The following FBXW10 variants were observed in gnomAD, a reference collection of about 807,000 sequenced individuals.
FBXW10 encodes the protein F-box and WD repeat domain containing 10.
A neutral mutation model predicts 113.1 loss-of-function variants in FBXW10; 68 were observed. That is an observed-to-expected ratio of 0.60 (90% confidence interval 0.49 to 0.74). The LOEUF is 0.74. FBXW10 is among the 30% of genes least tolerant of loss of function. FBXW10 has a pLI of 0.00. For synonymous variants in FBXW10, 289 were observed against 481.6 expected (o/e 0.60, Z 5.24); for missense variants, 753 against 1,284.5 (o/e 0.59, Z 6.32).
chr17:18,772,003 A>G (rs1240396134), intron 11 of FBXW10, among the ~76,000 whole-genome samples: 1 of 152,146 alleles, frequency 6.6e-6, no homozygotes, highest in Non-Finnish European at 1.5e-5. Context: ...GCTACTCAAG[A>G]GGCTGAGGCA....
intron 7 of FBXW10, among the ~76,000 whole-genome samples, chr17:18,759,908 C>T (rs2035348094): frequency 6.6e-6 from 1 of 152,306 alleles, no homozygotes; most frequent in East Asian, 1.9e-4. Context: ...AGCCACCGCG[C>T]CGGGCCCTTG....
At chr17:18,772,140 C>T (rs1399956992) in intron 11 of FBXW10, among the ~76,000 whole-genome samples, 1 of 152,042 alleles carries the variant, frequency 6.6e-6, no homozygotes, top group Non-Finnish European at 1.5e-5. Context: ...AATAAAAAAG[C>T]ATTTTGACTT....
At chr17:18,746,722 C>T (rs1199516690) in intron 1 of FBXW10, among the ~76,000 whole-genome samples, 5 of 152,138 alleles carry the variant, frequency 3.3e-5, no homozygotes, top group Admixed American at 2.0e-4. Flanking sequence ...GGTCACCCAC[C>T]ACGTGGGCTG....
At chr17:18,770,463 C>A (rs867643686) in intron 11 of FBXW10, among the ~76,000 whole-genome samples, 2 of 149,788 alleles carry the variant, frequency 1.3e-5, no homozygotes, top group East Asian at 3.9e-4. Flanking sequence ...CCAGTATGCC[C>A]GGCTAATTTT....
chr17:18,764,211 T>G lies in FBXW10; in HGVS notation c.1434-531T>G, dbSNP rs1274128482. Among the ~76,000 whole-genome samples, 3 of 150,280 alleles carry G rather than the reference T, an allele frequency of 2.0e-5. No homozygotes were observed. The East Asian group carries it at 5.8e-4, about 29-fold the overall frequency. On this transcript the variant is annotated intron_variant, in intron 7 of 13. Coordinates refer to ENST00000395665, the MANE Select transcript of FBXW10 (RefSeq NM_001267585.2). The stretch of plus-strand genomic sequence containing the variant: ...ATGATGTAAATACTCTTTTTTTTTT[T>G]TTTTTTTTTGAGACAGAGTCTCGCT...
intron 5 of FBXW10, among the ~76,000 whole-genome samples, chr17:18,751,326 C>T (rs1168649219): frequency 6.6e-6 from 1 of 151,684 alleles, no homozygotes; most frequent in African/African-American, 2.4e-5. Flanking sequence ...CCCGGGTTCA[C>T]GCCATTCTCC....
chr17:18,752,734 A>G (rs2035193525), intron 5 of FBXW10, among the ~76,000 whole-genome samples: 1 of 151,434 alleles, frequency 6.6e-6, no homozygotes, highest in East Asian at 1.9e-4. Context: ...AAAAGAAAAC[A>G]CATTTCTGGA....
At chr17:18,763,484 C>T (rs985829040) in intron 7 of FBXW10, among the ~76,000 whole-genome samples, 1 of 151,956 alleles carries the variant, frequency 6.6e-6, no homozygotes, top group African/African-American at 2.4e-5. Flanking sequence ...TCTCAGTTTA[C>T]AGATGAAGAA....
At chr17:18,767,841 G>T (rs1490182773) in intron 9 of FBXW10, among the ~76,000 whole-genome samples, 1 of 152,062 alleles carries the variant, frequency 6.6e-6, no homozygotes, top group East Asian at 1.9e-4. Context: ...CACAGCAAAG[G>T]ACAGTGATTT....
chr17:18,748,167 C>T (rs2035080253), intron 2 of FBXW10, 62 bp downstream of exon 2: 2 of 1,602,768 alleles, frequency 1.2e-6, no homozygotes, highest in Non-Finnish European at 1.7e-6. Flanking sequence ...TGCCTGTAAT[C>T]CCAGCACTTT....
chr17:18,760,227 T>G (rs2035353477), intron 7 of FBXW10, among the ~76,000 whole-genome samples: 1 of 152,250 alleles, frequency 6.6e-6, no homozygotes, highest in African/African-American at 2.4e-5. Context: ...TCCTGATTAC[T>G]AATGAAGTTG....
rs1463120176 is a variant in FBXW10, at chr17:18,749,806, A to G, written c.755A>G (p.Tyr252Cys). Residue 252 changes from tyrosine to cysteine, a missense_variant, in exon 3 of 14, where the codon TAC (tyrosine) becomes TGC (cysteine). Tyr to Cys is a radical substitution (Grantham distance 194). Coordinates refer to ENST00000395665, the MANE Select transcript of FBXW10 (RefSeq NM_001267585.2). ...SGKGDITKPG[Y>C]DPCNLLVDLD... ...AAAGGAGACATAACCAAGCCAGGGT[A>G]CGATCCCTGCAATCTATTGGTTGAC... is the stretch of plus-strand genomic sequence containing the variant. 3.1e-6 allele frequency: 5 copies of G among 1,614,102 alleles called. No individual in the cohort carries two copies. Among genetic ancestry groups the G allele is most frequent in the Non-Finnish European group, 3.4e-6 (4 of 1,180,042 alleles).
chr17:18,749,718 C>T lies in FBXW10; in HGVS notation c.671-4C>T. 1 of 1,613,962 alleles carries T rather than the reference C, an allele frequency of 6.2e-7. No individual in the cohort carries two copies. Among genetic ancestry groups the T allele is most frequent in the Non-Finnish European group, 8.5e-7 (1 of 1,179,862 alleles). On this transcript the variant is annotated splice_region_variant and splice_polypyrimidine_tract_variant and intron_variant, in intron 2 of 13. Transcript: ENST00000395665. Reference sequence around the variant, plus strand: ...CCACGTACCTTTCTCTGGCTTCACTCTAGAGGAACCATGGAGGAATTCACT... The same window carrying T: ...CCACGTACCTTTCTCTGGCTTCACTTTAGAGGAACCATGGAGGAATTCACT...
chr17:18,763,626 C>T (rs1450231414), intron 7 of FBXW10, among the ~76,000 whole-genome samples: 1 of 152,180 alleles, frequency 6.6e-6, no homozygotes, highest in Non-Finnish European at 1.5e-5. Context: ...GTCTCAAAAG[C>T]AGCCTACCTG....
intron 5 of FBXW10, among the ~76,000 whole-genome samples, chr17:18,754,941 G>A (rs1362552737): frequency 5.9e-5 from 9 of 152,238 alleles, no homozygotes; most frequent in Non-Finnish European, 1.3e-4. Flanking sequence ...AAGGACAAAT[G>A]AAAGTTGCAG....
chr17:18,764,196 T>C (rs1434717106), intron 7 of FBXW10, among the ~76,000 whole-genome samples: 1 of 141,688 alleles, frequency 7.1e-6, no homozygotes, highest in Non-Finnish European at 1.5e-5. Flanking sequence ...ATGATGTAAA[T>C]ACTCTTTTTT....
chr17:18,745,365 C>T, intron 1 of FBXW10: 1 of 545,802 alleles, frequency 1.8e-6, no homozygotes, highest in Non-Finnish European at 2.3e-6. Context: ...ACAAGCTCCT[C>T]CCCCAGAACT....
At chr17:18,766,380 A>G (rs1177208360) in intron 8 of FBXW10, among the ~76,000 whole-genome samples, 1 of 151,866 alleles carries the variant, frequency 6.6e-6, no homozygotes, top group African/African-American at 2.4e-5. Context: ...TCTACTCGAT[A>G]GCAAGCATTT....
intron 9 of FBXW10, among the ~76,000 whole-genome samples, chr17:18,767,155 G>A (rs2035513237): frequency 1.3e-5 from 2 of 151,988 alleles, no homozygotes; most frequent in African/African-American, 4.8e-5. Context: ...TGGAGGTGAA[G>A]TACCTTTTTC....
Sources: gnomAD v4.1 joint callset for allele counts (sites outside exome capture counted in the v4.1 genomes callset) on GRCh38, gnomAD v4.1.1 for gene constraint, MANE v1.5 for transcripts, NCBI Gene and HGNC (gene_info 2026-07-23, HGNC 2026-07-21) for gene names.